Variants in SND1 observed in about 807,000 individuals in gnomAD.
SND1 encodes the protein staphylococcal nuclease and tudor domain containing 1.
In SND1, 38 loss-of-function variants were observed where a neutral mutation model predicts 121.7. The ratio of observed to expected loss-of-function variants is 0.31; its 90% CI spans 0.24 to 0.41. The LOEUF (loss-of-function observed/expected upper bound fraction) is 0.41. Ranked by LOEUF, SND1 falls within the 10% of genes least tolerant of loss-of-function variation. The pLI, the probability that SND1 is intolerant of heterozygous loss-of-function variation, is 1.00. For missense variants in SND1, 868 were observed against 1,184.6 expected (o/e 0.73, Z 3.92); for synonymous variants, 401 against 447.4 (o/e 0.90, Z 1.31).
chr7:127,918,077 T>C (rs1250383763), intron 14 of SND1, among the ~76,000 whole-genome samples: 16 of 151,740 alleles, frequency 1.1e-4, no homozygotes, highest in Non-Finnish European at 1.9e-4. Flanking sequence ...TTCTTTTTCT[T>C]TTTTAGACAG....
In SND1 at chr7:128,084,752, C is replaced by T. The variant is rs1364225046; in HGVS notation, c.2139C>T (p.Asn713=). The change falls in exon 19 of 24, where the codon AAC becomes AAT. Residue 713 remains asparagine, a synonymous_variant. Coordinates refer to ENST00000354725, the MANE Select transcript of SND1 (RefSeq NM_014390.4). The part of the protein sequence containing the change: ...TGTQLEKLME[N]MRNDIASHPP... ...CCCAGTTGGAGAAGCTGATGGAGAA[C>T]ATGCGCAATGACATTGCCAGTCACC... 1.9e-6 allele frequency: 3 copies of T among 1,609,508 alleles called. No homozygotes were observed. The highest frequency in any genetic ancestry group is 2.2e-5 in the East Asian group (1 of 44,644).
intron 16 of SND1, among the ~76,000 whole-genome samples, chr7:128,067,087 C>T (rs1456310776): frequency 6.6e-6 from 1 of 152,186 alleles, no homozygotes; most frequent in African/African-American, 2.4e-5. Flanking sequence ...CTCCTGTTGG[C>T]TTGCAGGCAC....
chr7:127,813,655 A>C (rs1017256337), intron 11 of SND1, among the ~76,000 whole-genome samples: 1 of 152,050 alleles, frequency 6.6e-6, no homozygotes, highest in Admixed American at 6.5e-5. Flanking sequence ...TCCGCCTCCC[A>C]GGTTCAAGTG....
At chr7:127,766,505 A>G (rs541875327) in intron 10 of SND1, among the ~76,000 whole-genome samples, 61 of 152,178 alleles carry the variant, frequency 4.0e-4, no homozygotes, top group East Asian at 7.8e-4. Flanking sequence ...GCCGGGCGCG[A>G]TGGCTCATGC....
intron 10 of SND1, among the ~76,000 whole-genome samples, chr7:127,773,078 G>C (rs1476272253): frequency 1.3e-5 from 2 of 152,034 alleles, no homozygotes; most frequent in Non-Finnish European, 2.9e-5. Context: ...TTAGTCCTGA[G>C]TTAAGAGTTT....
At chr7:128,081,050 G>A (rs545763639) in intron 17 of SND1, among the ~76,000 whole-genome samples, 148 of 151,980 alleles carry the variant, frequency 9.7e-4, no homozygotes, top group Non-Finnish European at 1.9e-3. Flanking sequence ...AGGCTGGAGT[G>A]CAGTGGCATG....
chr7:127,770,355 C>G (rs1259160364), intron 10 of SND1, among the ~76,000 whole-genome samples: 2 of 152,076 alleles, frequency 1.3e-5, no homozygotes, highest in Non-Finnish European at 1.5e-5. Flanking sequence ...AAATAACATT[C>G]AAAGGATGAA....
At chr7:127,806,357 G>A (rs866227060) in intron 10 of SND1, among the ~76,000 whole-genome samples, 9 of 152,000 alleles carry the variant, frequency 5.9e-5, no homozygotes, top group South Asian at 4.1e-4. Flanking sequence ...CATCTAGATA[G>A]ACCCTCTTAT....
intron 12 of SND1, among the ~76,000 whole-genome samples, chr7:127,848,820 C>T (rs1799114149): frequency 6.6e-6 from 1 of 152,128 alleles, no homozygotes; most frequent in African/African-American, 2.4e-5. Context: ...TTGTCTGTAT[C>T]TTCTATAGGG....
chr7:128,030,170 G>A (rs1235503794), intron 16 of SND1: 1 of 1,614,136 alleles, frequency 6.2e-7, no homozygotes, highest in Non-Finnish European at 8.5e-7. Context: ...TTTCGATGGG[G>A]TTGTTGCGAA....
intron 12 of SND1, among the ~76,000 whole-genome samples, chr7:127,857,550 G>A (rs1412990734): frequency 1.3e-4 from 19 of 151,096 alleles, no homozygotes; most frequent in African/African-American, 4.4e-4. Context: ...ACAGTTGGGG[G>A]TGTTTACTTG....
At chr7:127,664,770 A>G (rs1795383998) in intron 1 of SND1, among the ~76,000 whole-genome samples, 2 of 152,166 alleles carry the variant, frequency 1.3e-5, no homozygotes, top group South Asian at 4.1e-4. Flanking sequence ...GTGGGATCTG[A>G]CACTAATTCC....
At chr7:127,665,940 G>A (rs188058893) in intron 1 of SND1, among the ~76,000 whole-genome samples, 266 of 152,318 alleles carry the variant, frequency 1.7e-3, no homozygotes, top group African/African-American at 6.1e-3. Flanking sequence ...GTAAGGTAGA[G>A]GGACACTCCC....
At chr7:128,023,645 T>TGA (rs1803407621) in intron 16 of SND1, among the ~76,000 whole-genome samples, 2 of 152,222 alleles carry the variant, frequency 1.3e-5, no homozygotes, top group African/African-American at 4.8e-5. Context: ...GTGATCGGGC[T>TGA]TATAGATACT....
chr7:127,973,497 G>C (rs1291367659), intron 15 of SND1, among the ~76,000 whole-genome samples: 1 of 152,168 alleles, frequency 6.6e-6, no homozygotes, highest in Non-Finnish European at 1.5e-5. Flanking sequence ...CTAGGAGGAA[G>C]GGCAAACAAA....
chr7:127,911,869 A>G (rs1800464444), intron 14 of SND1, among the ~76,000 whole-genome samples: 1 of 152,134 alleles, frequency 6.6e-6, no homozygotes, highest in Admixed American at 6.5e-5. Context: ...GAAGACCTTG[A>G]TCTTGATTCT....
intron 16 of SND1, among the ~76,000 whole-genome samples, chr7:128,012,589 T>C (rs1803139854): frequency 6.6e-6 from 1 of 152,200 alleles, no homozygotes; most frequent in Non-Finnish European, 1.5e-5. Flanking sequence ...CGTATGTGTA[T>C]GAGGCCTCTT....
chr7:127,976,199 C>T (rs1802116391), intron 15 of SND1, among the ~76,000 whole-genome samples: 1 of 152,238 alleles, frequency 6.6e-6, no homozygotes, highest in South Asian at 2.1e-4. Context: ...CTCCTCCTCT[C>T]CGTAATCAGT....
chr7:127,794,910 G>T (rs1377704777), intron 10 of SND1, among the ~76,000 whole-genome samples: 1 of 152,232 alleles, frequency 6.6e-6, no homozygotes, highest in African/African-American at 2.4e-5. Flanking sequence ...ATAGCCAGTT[G>T]TGATATACTG....
Sources: allele counts gnomAD v4.1 joint callset (sites outside exome capture counted in the v4.1 genomes callset), GRCh38; gene constraint gnomAD v4.1.1; transcripts MANE v1.5; gene names NCBI Gene and HGNC (gene_info 2026-07-23, HGNC 2026-07-21).